The following RSL1D1 variants were observed in gnomAD, a reference collection of about 807,000 sequenced individuals.
RSL1D1 encodes ribosomal L1 domain containing 1.
RSL1D1 carries 34 observed loss-of-function variants against 44.6 expected under a neutral mutation model. That is an observed-to-expected ratio of 0.76 (90% CI 0.58 to 1.02). RSL1D1 has a LOEUF of 1.02. Ranked by LOEUF, RSL1D1 falls within the 50% of genes least tolerant of loss-of-function variation. The pLI is 0.00. For missense variants in RSL1D1, 767 were observed against 568.1 expected (o/e 1.35, Z -3.56); for synonymous variants, 271 against 207.4 (o/e 1.31, Z -2.63).
At position 11,837,837 on chromosome 16, in the gene RSL1D1, G is replaced by C; in HGVS notation, c.1423C>G (p.His475Asp). ...TPSKSVRKAS[H>D]TPKKWPKKPK... ...TTTTTGGGCCATTTTTTGGGGGTGT[G>C]GGAAGCTTTTCTCACAGATTTACTA... is the stretch of plus-strand genomic sequence containing the variant. Residue 475 changes from histidine to aspartate, a missense_variant, in exon 9 of 9, where the codon CAC (histidine) becomes GAC (aspartate). His to Asp is a moderately conservative substitution (Grantham distance 81, BLOSUM62 -1). Transcript: ENST00000571133. 6.2e-7 allele frequency: 1 copy of C among 1,613,388 alleles called. No homozygotes were observed. The highest frequency in any genetic ancestry group is 8.5e-7 in the Non-Finnish European group (1 of 1,179,690).
intron 2 of RSL1D1, among the ~76,000 whole-genome samples, chr16:11,848,465 A>G (rs7202234): frequency 0.61 from 92,541 of 152,122 alleles, 28,584 homozygotes; most frequent in Non-Finnish European, 0.64. Context: ...AATCAGGACA[A>G]GCCTGGTTCA....
At chr16:11,844,737 G>T (rs2053786284) in intron 5 of RSL1D1, among the ~76,000 whole-genome samples, 1 of 152,186 alleles carries the variant, frequency 6.6e-6, no homozygotes, top group Admixed American at 6.5e-5. Context: ...TCTCTGGGTG[G>T]AAGGGCAGTG....
intron 2 of RSL1D1, among the ~76,000 whole-genome samples, chr16:11,849,778 C>G (rs2053824075): frequency 6.6e-6 from 1 of 152,210 alleles, no homozygotes; most frequent in Non-Finnish European, 1.5e-5. Context: ...AGCTGTCCAC[C>G]AAGCTCTAAG....
chr16:11,848,673 T>A (rs2053815556), intron 2 of RSL1D1, among the ~76,000 whole-genome samples: 3 of 152,220 alleles, frequency 2.0e-5, no homozygotes, highest in African/African-American at 4.8e-5. Flanking sequence ...TTTGTATTTT[T>A]CGTAGAGACA....
intron 7 of RSL1D1, 97 bp downstream of exon 7, chr16:11,841,598 C>G (rs1215823984): frequency 1.8e-6 from 2 of 1,141,694 alleles, no homozygotes; most frequent in Non-Finnish European, 2.5e-6. Flanking sequence ...CAGAAGATAA[C>G]TGAAAAGTCG....
rs1302965238 is a variant in RSL1D1 at position 11,836,885 on chromosome 16, G to A, written c.*902C>T. ...GATGGAGTCCATGTGAATAATGGTT[G>A]AGCAGGTGAGGAAAAGGGTCACATC... On this transcript the variant is annotated 3_prime_UTR_variant, in exon 9 of 9. Transcript: ENST00000571133. The A allele has an allele frequency of 6.6e-6, 1 of 152,194 alleles. No homozygotes were observed. The highest frequency in any genetic ancestry group is 1.9e-4 in the East Asian group (1 of 5,200). The allele number at this position is 152,194 out of a possible 1,614,324, so 9.4% of individuals were successfully genotyped here. A position where few individuals can be genotyped will look rare whatever the true frequency, so the allele number is the denominator to read the frequency against.
chr16:11,842,320 AAC>A (rs1383354261), intron 5 of RSL1D1, among the ~76,000 whole-genome samples: 10 of 152,126 alleles, frequency 6.6e-5, no homozygotes, highest in African/African-American at 2.4e-4. Flanking sequence ...AACAGGGAAA[AAC>A]ACAGTCTGAA....
At chr16:11,842,029 T>C (rs1386059826) in intron 5 of RSL1D1, 29 bp from the exon 6 acceptor site, 1 of 1,517,754 alleles carries the variant, frequency 6.6e-7, no homozygotes, top group Non-Finnish European at 9.0e-7. Flanking sequence ...TTAGACAAGA[T>C]TTTAAAAAAC....
At chr16:11,843,871 C>CAAAAA (rs35833714) in intron 5 of RSL1D1, among the ~76,000 whole-genome samples, 1,114 of 53,122 alleles carry the variant, frequency 0.021, 100 homozygotes, top group Non-Finnish European at 0.029. Flanking sequence ...AACTCTGTCT[C>CAAAAA]AAAAAAAAAA....
chr16:11,846,450 C>T (rs953022107), intron 5 of RSL1D1, 51 bp downstream of exon 5: 2 of 952,004 alleles, frequency 2.1e-6, no homozygotes, highest in Non-Finnish European at 3.3e-6. Flanking sequence ...TATATAAAAT[C>T]ATTGTCAAAT....
At chr16:11,844,696 T>C (rs780759886) in intron 5 of RSL1D1, among the ~76,000 whole-genome samples, 9 of 152,156 alleles carry the variant, frequency 5.9e-5, no homozygotes, top group Non-Finnish European at 1.2e-4. Context: ...CTGCCGACTG[T>C]GTCCACTGGG....
At chr16:11,843,940 C>T (rs1012208839) in intron 5 of RSL1D1, among the ~76,000 whole-genome samples, 2 of 149,036 alleles carry the variant, frequency 1.3e-5, no homozygotes, top group African/African-American at 4.9e-5. Context: ...CTTTCAGCTA[C>T]GAGCAAGACC....
chr16:11,847,619 C>T (rs747144448), intron 3 of RSL1D1, 49 bp downstream of exon 3: 1 of 1,487,380 alleles, frequency 6.7e-7, no homozygotes, highest in Non-Finnish European at 9.2e-7. Context: ...ACCATTTCGC[C>T]TGAATTAAAT....
At chr16:11,850,987 G>A (rs1216265771) in intron 1 of RSL1D1, 4 of 246,240 alleles carry the variant, frequency 1.6e-5, no homozygotes, top group South Asian at 1.2e-4. Flanking sequence ...ACCGCGCCCG[G>A]CCTACTGAGC....
Position 11,844,334 on chromosome 16 carries a change from G to A in RSL1D1, c.635+2167C>T, listed in dbSNP as rs1016881039. Among the ~76,000 whole-genome samples, 4 of 152,226 alleles carry A rather than the reference G, an allele frequency of 2.6e-5. No individual in the cohort carries two copies. In the Middle Eastern group the frequency reaches 0.01, roughly 388 times the overall value. ...TCTTTAAGCTGTTGCTTTTGCCTTGGAAAATCCCCAGTGGCAGGAGACTGC... is the reference window on the plus strand; with the variant it reads ...TCTTTAAGCTGTTGCTTTTGCCTTGAAAAATCCCCAGTGGCAGGAGACTGC... On this transcript the variant is annotated intron_variant, in intron 5 of 8. Coordinates refer to ENST00000571133, the MANE Select transcript of RSL1D1 (RefSeq NM_015659.3).
Position 11,837,864 on chromosome 16 carries a change from G to C in RSL1D1, c.1396C>G (p.Pro466Ala). ...KKPEAKFFTT[P>A]SKSVRKASHT... is the part of the protein sequence containing the mutation. ...GAAGCTTTTCTCACAGATTTACTAGGAGTGGTGAAAAACTTGGCCTCTGGC... is the reference window on the plus strand; with the variant it reads ...GAAGCTTTTCTCACAGATTTACTAGCAGTGGTGAAAAACTTGGCCTCTGGC... The change falls in exon 9 of 9, where the codon CCT (proline) becomes GCT (alanine). Residue 466 changes from proline to alanine, a missense_variant. Coordinates refer to ENST00000571133, the MANE Select transcript of RSL1D1 (RefSeq NM_015659.3). The C allele has an allele frequency of 1.2e-6, 2 of 1,614,046 alleles. No individual in the cohort carries two copies. The highest frequency in any genetic ancestry group is 1.7e-6 in the Non-Finnish European group (2 of 1,180,020).
intron 8 of RSL1D1, 133 bp downstream of exon 8, chr16:11,839,562 G>A (rs1596438448): frequency 1.6e-5 from 9 of 554,052 alleles, no homozygotes; most frequent in Non-Finnish European, 2.6e-5. Context: ...AATAAATCAT[G>A]ATATGATAAC....
intron 8 of RSL1D1, 45 bp downstream of exon 8, chr16:11,839,650 G>C: frequency 6.2e-7 from 1 of 1,600,094 alleles, no homozygotes; most frequent in Non-Finnish European, 8.5e-7. Flanking sequence ...TGACACAGTA[G>C]CCACTGAACC....
rs755500621 is a variant in RSL1D1 at position 11,846,687 on chromosome 16, A to G, written c.533+8T>C. ...CTGCTAAAGTCCAGTCATTACTAAG[A>G]AACTTACTTCTTTCTTTGATAGAAA... On this transcript the variant is annotated splice_region_variant and intron_variant, in intron 4 of 8. Transcript: ENST00000571133. The G allele has an allele frequency of 8.7e-5, 140 of 1,613,798 alleles. No individual in the cohort carries two copies. In the East Asian group the frequency reaches 2.2e-3, roughly 25 times the overall value.
Sources: gnomAD v4.1 joint callset for allele counts (sites outside exome capture counted in the v4.1 genomes callset) on GRCh38, gnomAD v4.1.1 for gene constraint, MANE v1.5 for transcripts, NCBI Gene and HGNC (gene_info 2026-07-23, HGNC 2026-07-21) for gene names.